CFAP54: variants seen among roughly 807,000 people sequenced by gnomAD.
CFAP54 encodes cilia- and flagella-associated protein 54.
Under a neutral mutation model 370.4 loss-of-function variants are expected in CFAP54, and 290 were observed. The observed-to-expected ratio is 0.78, with a 90% CI of 0.71 to 0.86. The LOEUF is 0.86. Ranked by LOEUF, CFAP54 falls within the 40% of genes least tolerant of loss-of-function variation. The pLI is 0.00. For synonymous variants in CFAP54, 1,206 were observed against 1,236.5 expected (o/e 0.98, Z 0.52); for missense variants, 3,399 against 3,528.7 (o/e 0.96, Z 0.93).
chr12:96,665,046 A>T (rs1413699561), intron 39 of CFAP54, among the ~76,000 whole-genome samples: 1 of 150,150 alleles, frequency 6.7e-6, no homozygotes, highest in Non-Finnish European at 1.5e-5. Flanking sequence ...TGTTGTTTTG[A>T]TTTGCATTTC....
intron 66 of CFAP54, among the ~76,000 whole-genome samples, chr12:96,844,990 A>C (rs1306996490): frequency 6.6e-6 from 1 of 152,226 alleles, no homozygotes; most frequent in Non-Finnish European, 1.5e-5. Context: ...AGAACTTCTC[A>C]AGTAAAGTTA....
At position 96,638,229 on chromosome 12, in the gene CFAP54, GTGTGTGTGTGTGTATATA is replaced by G. The variant is rs1565923469; in HGVS notation, c.4317-5947_4317-5930del. Among the ~76,000 whole-genome samples the G allele has an allele frequency of 8.6e-5, 8 of 92,594 alleles. No homozygotes were observed. In the South Asian group the frequency reaches 1.1e-3, roughly 13 times the overall value. The allele number at this position is 92,594 out of a possible 152,430, so 60.7% of individuals were successfully genotyped here. On this transcript the variant is annotated intron_variant, in intron 32 of 67. Coordinates refer to ENST00000524981, the MANE Select transcript of CFAP54 (RefSeq NM_001306084.2). ...CATGTGTGTGTGTGTGTGTGTGTGT[GTGTGTGTGTGTGTATATA>G]TATATATATTTATTTTTTTTTGGTT...
At chr12:96,744,561 C>T (rs1273529114) in intron 55 of CFAP54, among the ~76,000 whole-genome samples, 1 of 152,000 alleles carries the variant, frequency 6.6e-6, no homozygotes, top group Non-Finnish European at 1.5e-5. Flanking sequence ...TTATAACTAA[C>T]TGTTAAAGAA....
chr12:96,664,793 A>G (rs371946731), intron 39 of CFAP54, among the ~76,000 whole-genome samples: 2 of 26,180 alleles, frequency 7.6e-5, no homozygotes, highest in South Asian at 2.1e-3. Flanking sequence ...ATATATATAT[A>G]TATATATATA....
At position 96,792,356 on chromosome 12, in the gene CFAP54, A is replaced by G; in HGVS notation, c.8707A>G (p.Ile2903Val). 1 of 1,534,934 alleles carries G rather than the reference A, an allele frequency of 6.5e-7. No homozygotes were observed. Residue 2903 changes from isoleucine to valine, a missense_variant, in exon 63 of 68, where the codon ATT becomes GTT. Physicochemically the swap from Ile to Val is conservative, Grantham distance 29. Around this residue, in one of 3 missense-constraint regions of CFAP54, gnomAD observed 2,796 missense variants for 2,869.7 expected, o/e 0.97. Coordinates refer to ENST00000524981, the MANE Select transcript of CFAP54 (RefSeq NM_001306084.2). ...KLYRDSSVQSILSFKPVSGSS... is the reference protein window; with the variant it reads ...KLYRDSSVQSVLSFKPVSGSS... The stretch of plus-strand genomic sequence containing the variant: ...GTATCGCGATAGTTCTGTACAATCC[A>G]TTTTATCTTTTAAGCCTGTTTCAGG...
intron 2 of CFAP54, among the ~76,000 whole-genome samples, chr12:96,503,096 C>CTCTTTCTTTCTT (rs1490106918): frequency 8.9e-6 from 1 of 112,362 alleles, no homozygotes; most frequent in African/African-American, 3.2e-5. Context: ...TTCTTTCTTT[C>CTCTTTCTTTCTT]TCTCTCTCTC....
chr12:96,872,605 C>G (rs1011098995), intron 67 of CFAP54, among the ~76,000 whole-genome samples: 2 of 152,156 alleles, frequency 1.3e-5, no homozygotes, highest in Admixed American at 6.5e-5. Flanking sequence ...TGACATAGTT[C>G]TAAATGTGTT....
intron 25 of CFAP54, among the ~76,000 whole-genome samples, chr12:96,596,609 A>G (rs1329454690): frequency 1.3e-5 from 2 of 152,076 alleles, no homozygotes; most frequent in Non-Finnish European, 2.9e-5. Flanking sequence ...TAAAGCAAAA[A>G]CTTTAGGAAA....
At chr12:96,664,619 CGTATGTGT>C (rs1957036894) in intron 39 of CFAP54, among the ~76,000 whole-genome samples, 1 of 56,378 alleles carries the variant, frequency 1.8e-5, no homozygotes, top group Non-Finnish European at 3.1e-5. Context: ...TTACCAAGAA[CGTATGTGT>C]GTGTGTGTGT....
At chr12:96,645,655 CA>C (rs1275872405) in intron 33 of CFAP54, 1 of 153,346 alleles carries the variant, frequency 6.5e-6, no homozygotes, top group Non-Finnish European at 1.5e-5. Flanking sequence ...AATCCTAAGC[CA>C]AAAGAACAAA....
chr12:96,511,233 G>T (rs990683978), intron 4 of CFAP54, among the ~76,000 whole-genome samples: 6 of 152,096 alleles, frequency 3.9e-5, no homozygotes, highest in Non-Finnish European at 7.4e-5. Context: ...TCACTGATTT[G>T]TGTAATTGAT....
intron 50 of CFAP54, among the ~76,000 whole-genome samples, chr12:96,722,277 G>A (rs1195847158): frequency 6.6e-6 from 1 of 152,208 alleles, no homozygotes; most frequent in African/African-American, 2.4e-5. Context: ...CTTGACGTGT[G>A]TGTATCTGGG....
intron 58 of CFAP54, among the ~76,000 whole-genome samples, chr12:96,763,649 C>T (rs980651059): frequency 2.6e-5 from 4 of 152,010 alleles, no homozygotes; most frequent in Non-Finnish European, 5.9e-5. Flanking sequence ...TGTGGTGGTG[C>T]ATGCCTGTAG....
chr12:96,853,242 A>T (rs1263531115), intron 66 of CFAP54, among the ~76,000 whole-genome samples: 1 of 152,198 alleles, frequency 6.6e-6, no homozygotes, highest in Non-Finnish European at 1.5e-5. Flanking sequence ...CTACGTATCA[A>T]TAAGAATGAA....
chr12:96,828,370 A>G (rs896755437), intron 65 of CFAP54, among the ~76,000 whole-genome samples: 1 of 151,978 alleles, frequency 6.6e-6, no homozygotes, highest in Admixed American at 6.6e-5. Flanking sequence ...TCAGTCCTGC[A>G]GGTGGCGTGG....
At chr12:96,771,813 C>T (rs1032187596) in intron 60 of CFAP54, among the ~76,000 whole-genome samples, 1 of 152,154 alleles carries the variant, frequency 6.6e-6, no homozygotes, top group Non-Finnish European at 1.5e-5. Context: ...TGATGGGAAG[C>T]GATTGCAAAG....
chr12:96,726,663 GTC>G (rs1957843747), intron 50 of CFAP54, among the ~76,000 whole-genome samples: 1 of 151,578 alleles, frequency 6.6e-6, no homozygotes, highest in African/African-American at 2.4e-5. Context: ...GGTTTTTTGT[GTC>G]TCTATTTCCT....
At chr12:96,816,805 G>A (rs1958978463) in intron 64 of CFAP54, among the ~76,000 whole-genome samples, 1 of 152,202 alleles carries the variant, frequency 6.6e-6, no homozygotes, top group Admixed American at 6.5e-5. Context: ...TTCTTCAACT[G>A]TAAGCCTTTT....
chr12:96,501,079 A>G, intron 2 of CFAP54, 140 bp downstream of exon 2: 1 of 531,224 alleles, frequency 1.9e-6, no homozygotes, highest in Non-Finnish European at 3.2e-6. Flanking sequence ...AAAAATTTTA[A>G]TAAGGCACAG....
Sources: gnomAD v4.1 joint callset for allele counts (sites outside exome capture counted in the v4.1 genomes callset) on GRCh38, gnomAD v4.1.1 for gene constraint, gnomAD v4.1.1 regional missense constraint, MANE v1.5 for transcripts, NCBI Gene and HGNC (gene_info 2026-07-23, HGNC 2026-07-21) for gene names.